Variants in CDC6 observed in about 807,000 individuals in gnomAD.
The protein encoded by CDC6 is cell division cycle 6.
A neutral mutation model predicts 60.2 loss-of-function variants in CDC6; 46 were observed. That is an observed-to-expected ratio of 0.76 (90% CI 0.60 to 0.98). CDC6 has a LOEUF of 0.98. CDC6 is among the 50% of genes least tolerant of loss of function. CDC6 has a pLI of 0.00. For synonymous variants in CDC6, 210 were observed against 233.2 expected (o/e 0.90, Z 0.90); for missense variants, 596 against 652.9 (o/e 0.91, Z 0.95).
chr17:40,300,055 C>T (rs372525000), intron 9 of CDC6, among the ~76,000 whole-genome samples: 13 of 152,170 alleles, frequency 8.5e-5, no homozygotes, highest in East Asian at 3.9e-4. Context: ...CTCTGCCTCC[C>T]GGGTTCAAGT....
chr17:40,299,300 A>G (rs1193202327), intron 9 of CDC6, among the ~76,000 whole-genome samples: 1 of 150,808 alleles, frequency 6.6e-6, no homozygotes, highest in Non-Finnish European at 1.5e-5. Context: ...GGCACACACC[A>G]CCACACCCGG....
intron 8 of CDC6, 114 bp downstream of exon 8, chr17:40,295,570 T>C (rs746920156): frequency 5.5e-4 from 405 of 741,212 alleles, no homozygotes; most frequent in Middle Eastern, 7.0e-4. Flanking sequence ...CTGCTACTTT[T>C]TTACGCTCAG....
intron 9 of CDC6, among the ~76,000 whole-genome samples, chr17:40,298,543 A>G (rs1481638716): frequency 6.6e-6 from 1 of 151,862 alleles, no homozygotes; most frequent in Non-Finnish European, 1.5e-5. Flanking sequence ...CAGCCTCCCC[A>G]GCTCCAGCTA....
intron 7 of CDC6, 90 bp downstream of exon 7, chr17:40,294,593 G>C: frequency 7.8e-7 from 1 of 1,284,740 alleles, no homozygotes; most frequent in Non-Finnish European, 1.1e-6. Context: ...TTTTTGCCTT[G>C]ATTGCTTTAT....
chr17:40,289,342 C>A, intron 1 of CDC6, 66 bp from the exon 2 acceptor site: 1 of 1,221,026 alleles, frequency 8.2e-7, no homozygotes, highest in African/African-American at 1.5e-5. Flanking sequence ...AAATAAATTC[C>A]ATGTTAGTTA....
intron 9 of CDC6, among the ~76,000 whole-genome samples, chr17:40,297,627 C>G (rs993497407): frequency 6.6e-6 from 1 of 152,100 alleles, no homozygotes; most frequent in African/African-American, 2.4e-5. Context: ...AAAAATTAGG[C>G]AAGCATGGTG....
Position 40,294,496 on chromosome 17 carries a change from T to C in CDC6, c.1076T>C (p.Leu359Pro). 1 of 1,614,042 alleles carries C rather than the reference T, an allele frequency of 6.2e-7. No individual in the cohort carries two copies. The highest frequency in any genetic ancestry group is 8.5e-7 in the Non-Finnish European group (1 of 1,179,976). Residue 359 changes from leucine (L) to proline (P), a missense_variant, in exon 7 of 12, where the codon CTT becomes CCT. Transcript: ENST00000209728. ...NQIVTILQDRLNQVSRDQVLD... is the reference protein window; with the variant it reads ...NQIVTILQDRPNQVSRDQVLD... ...ATAGTCACTATTTTGCAAGATCGAC[T>C]TAATCAGGTCAGTGCCAACTATTTT...
intron 4 of CDC6, among the ~76,000 whole-genome samples, chr17:40,292,130 G>T (rs930158437): frequency 5.3e-5 from 8 of 152,082 alleles, no homozygotes; most frequent in African/African-American, 1.9e-4. Context: ...TTGACCTCTT[G>T]GGCTCAGGTG....
Position 40,289,410 on chromosome 17 carries a change from G to A in CDC6, c.-11G>A, listed in dbSNP as rs2032714928. ...TCCTCTTATTTTTTTTAATCTAGCT[G>A]TGCTGTCGTCATGCCTCAAACCCGA... On this transcript the variant is annotated splice_region_variant and 5_prime_UTR_variant, in exon 2 of 12. It adds an upstream start codon to the 5' untranslated region. Coordinates refer to ENST00000209728, the MANE Select transcript of CDC6 (RefSeq NM_001254.4). The A allele has an allele frequency of 1.9e-6, 3 of 1,612,592 alleles. No homozygotes were observed. The highest frequency in any genetic ancestry group is 2.5e-6 in the Non-Finnish European group (3 of 1,179,174).
At chr17:40,295,007 G>C (rs1344221357) in intron 7 of CDC6, among the ~76,000 whole-genome samples, 2 of 152,142 alleles carry the variant, frequency 1.3e-5, no homozygotes, top group African/African-American at 2.4e-5. Context: ...TTACAGGCAT[G>C]AGCCATCGCA....
intron 9 of CDC6, among the ~76,000 whole-genome samples, chr17:40,297,256 G>A (rs2032871829): frequency 6.6e-6 from 1 of 152,156 alleles, no homozygotes; most frequent in African/African-American, 2.4e-5. Flanking sequence ...GGGCAATATA[G>A]TGAGACCTTG....
chr17:40,296,751 C>G lies in CDC6; in HGVS notation c.1233C>G (p.Leu411=). Residue 411 remains leucine (L), a synonymous_variant, in exon 9 of 12, where the codon CTC becomes CTG. Transcript: ENST00000209728. ...VESDVKSQTI[L]KPLSECKSPS... ...CAGATGTCAAAAGCCAGACTATTCT[C>G]AAACCACTGTCTGAATGTAAGTAGT... The G allele has an allele frequency of 6.2e-7, 1 of 1,601,038 alleles. No individual in the cohort carries two copies. The highest frequency in any genetic ancestry group is 8.6e-7 in the Non-Finnish European group (1 of 1,168,084).
At chr17:40,299,123 C>T (rs1053557283) in intron 9 of CDC6, among the ~76,000 whole-genome samples, 9 of 136,700 alleles carry the variant, frequency 6.6e-5, no homozygotes, top group African/African-American at 1.7e-4. Flanking sequence ...CATCTCCAAA[C>T]GATAAGGCCA....
rs1048470197 is a variant in CDC6 at position 40,301,588 on chromosome 17, A to C, written c.1573A>C (p.Lys525Gln). The stretch of plus-strand genomic sequence containing the variant: ...GGGCATTTTAGGATTAAAGAGAAAC[A>C]AGGAAACCCGTTTGACAAAGGTACA... ...ARGILGLKRN[K>Q]ETRLTKVFFK... is the part of the protein sequence containing the mutation. Residue 525 changes from lysine to glutamine, a missense_variant, in exon 11 of 12, where the codon AAG (lysine) becomes CAG (glutamine). Coordinates refer to ENST00000209728, the MANE Select transcript of CDC6 (RefSeq NM_001254.4). The C allele has an allele frequency of 1.2e-6, 2 of 1,614,178 alleles. No homozygotes were observed. The highest frequency in any genetic ancestry group is 8.5e-7 in the Non-Finnish European group (1 of 1,179,998).
At chr17:40,293,743 G>A (rs886955629) in intron 5 of CDC6, 112 bp downstream of exon 5, 7 of 995,338 alleles carry the variant, frequency 7.0e-6, no homozygotes, top group Non-Finnish European at 9.5e-6. Flanking sequence ...AAACTTAAAG[G>A]GAAAGAAGAG....
chr17:40,300,845 C>T lies in CDC6; in HGVS notation c.1267C>T (p.Pro423Ser). ...CTTTATAGGTAAATCACCTTCTGAG[C>T]CTCTGATTCCCAAGAGGGTTGGTCT... ...PLSECKSPSE[P>S]LIPKRVGLIH... Residue 423 changes from proline to serine, a missense_variant, in exon 10 of 12, where the codon CCT becomes TCT. Physicochemically the swap from Pro to Ser is moderately conservative, Grantham distance 74. Coordinates refer to ENST00000209728, the MANE Select transcript of CDC6 (RefSeq NM_001254.4). The T allele has an allele frequency of 6.2e-7, 1 of 1,613,704 alleles. No homozygotes were observed. Among genetic ancestry groups the T allele is most frequent in the Non-Finnish European group, 8.5e-7 (1 of 1,179,626 alleles).
intron 7 of CDC6, 68 bp from the exon 8 acceptor site, chr17:40,295,288 C>A: frequency 9.8e-7 from 1 of 1,022,760 alleles, no homozygotes; most frequent in Non-Finnish European, 1.6e-6. Context: ...AATATTTATG[C>A]TTGGGACCTA....
intron 4 of CDC6, 70 bp from the exon 5 acceptor site, chr17:40,293,386 A>G (rs2032799506): frequency 8.3e-7 from 1 of 1,205,720 alleles, no homozygotes; most frequent in African/African-American, 1.5e-5. Flanking sequence ...CTTCAAAGAC[A>G]TTTTAGGCTC....
chr17:40,296,679 T>A (rs1463923265), intron 8 of CDC6, 24 bp from the exon 9 acceptor site: 1 of 1,467,446 alleles, frequency 6.8e-7, no homozygotes, highest in South Asian at 1.1e-5. Context: ...CAGACTAAAT[T>A]AATTTTAGAA....
Sources: allele counts gnomAD v4.1 joint callset (sites outside exome capture counted in the v4.1 genomes callset), GRCh38; gene constraint gnomAD v4.1.1; transcripts MANE v1.5; gene names NCBI Gene and HGNC (gene_info 2026-07-23, HGNC 2026-07-21).